The following JAKMIP2 variants were observed in gnomAD, a reference collection of about 807,000 sequenced individuals.
The protein encoded by JAKMIP2 is janus kinase and microtubule-interacting protein 2.
A neutral mutation model predicts 115.0 loss-of-function variants in JAKMIP2; 25 were observed. The ratio of observed to expected loss-of-function variants is 0.22; its 90% confidence interval spans 0.16 to 0.30. The LOEUF is 0.30. Ranked by LOEUF, JAKMIP2 falls within the 10% of genes least tolerant of loss-of-function variation. The pLI is 1.00. For missense variants in JAKMIP2, 642 were observed against 957.6 expected (o/e 0.67, Z 4.35); for synonymous variants, 334 against 343.6 (o/e 0.97, Z 0.31).
chr5:147,775,135 C>A (rs1755509122), intron 1 of JAKMIP2, among the ~76,000 whole-genome samples: 1 of 152,066 alleles, frequency 6.6e-6, no homozygotes, highest in African/African-American at 2.4e-5. Context: ...GGTTAGACAC[C>A]CGTAGAAATC....
At chr5:147,632,463 G>A (rs1757408870) in intron 13 of JAKMIP2, among the ~76,000 whole-genome samples, 2 of 152,138 alleles carry the variant, frequency 1.3e-5, no homozygotes, top group South Asian at 4.1e-4. Flanking sequence ...TAAGTAGACA[G>A]TTTTGAGTTG....
chr5:147,586,674 G>GA lies in JAKMIP2; in HGVS notation c.*5032dup, dbSNP rs1466721199. 2 of 151,768 alleles carry GA rather than the reference G, an allele frequency of 1.3e-5. No individual in the cohort carries two copies. The highest frequency in any genetic ancestry group is 4.8e-5 in the African/African-American group (2 of 41,324). 9.4% of individuals were successfully genotyped at this position (151,768 alleles called of 1,614,324 possible). A position where few individuals can be genotyped will look rare whatever the true frequency, so the allele number is the denominator to read the frequency against. On this transcript the variant is annotated 3_prime_UTR_variant, in exon 22 of 22. Transcript: ENST00000616793. ...CTCTGCCACATTAATTTGAATATAG[G>GA]AAATTATAATCCTATTTTTGCTACA...
chr5:147,707,778 A>G (rs1051583052), intron 1 of JAKMIP2, among the ~76,000 whole-genome samples: 2 of 152,172 alleles, frequency 1.3e-5, no homozygotes, highest in African/African-American at 2.4e-5. Context: ...CTGATATGCA[A>G]ATGAGATCAG....
chr5:147,730,327 A>G (rs1391910534), intron 1 of JAKMIP2, among the ~76,000 whole-genome samples: 1 of 152,222 alleles, frequency 6.6e-6, no homozygotes, highest in African/African-American at 2.4e-5. Flanking sequence ...CAGGTTTAGC[A>G]AAGAAGCTGC....
chr5:147,744,077 C>T (rs1414545565), intron 1 of JAKMIP2, among the ~76,000 whole-genome samples: 1 of 147,410 alleles, frequency 6.8e-6, no homozygotes, highest in African/African-American at 2.5e-5. Flanking sequence ...TTCTATTTTT[C>T]TCTCTCTCTC....
intron 20 of JAKMIP2, among the ~76,000 whole-genome samples, chr5:147,609,967 T>C (rs1317259108): frequency 1.3e-5 from 2 of 152,202 alleles, no homozygotes; most frequent in Non-Finnish European, 2.9e-5. Context: ...TTCCACTTGA[T>C]TGATCCAGCT....
chr5:147,710,837 C>T (rs968882639), intron 1 of JAKMIP2, among the ~76,000 whole-genome samples: 2 of 152,002 alleles, frequency 1.3e-5, no homozygotes, highest in African/African-American at 4.8e-5. Flanking sequence ...AAATGTGAGG[C>T]AATATTATTT....
intron 1 of JAKMIP2, among the ~76,000 whole-genome samples, chr5:147,731,761 A>T (rs1219434455): frequency 6.6e-6 from 1 of 152,180 alleles, no homozygotes; most frequent in Non-Finnish European, 1.5e-5. Context: ...CTGCAACAAA[A>T]GTTTTGAAAA....
chr5:147,657,490 T>A (rs1758737897), intron 3 of JAKMIP2, among the ~76,000 whole-genome samples: 1 of 152,164 alleles, frequency 6.6e-6, no homozygotes, highest in South Asian at 2.1e-4. Context: ...TTGGGGTTGA[T>A]CTTCTAATGG....
chr5:147,686,703 GT>G (rs1442376277), intron 1 of JAKMIP2, among the ~76,000 whole-genome samples: 1 of 152,168 alleles, frequency 6.6e-6, no homozygotes, highest in Non-Finnish European at 1.5e-5. Flanking sequence ...ACAGCATGAA[GT>G]GTCACTTACC....
chr5:147,605,395 G>A (rs1002713216), intron 20 of JAKMIP2, among the ~76,000 whole-genome samples: 1 of 151,872 alleles, frequency 6.6e-6, no homozygotes, highest in African/African-American at 2.4e-5. Flanking sequence ...ATTTTTAGTA[G>A]AGACAGGGTT....
chr5:147,633,390 G>A (rs1003007908), intron 12 of JAKMIP2, among the ~76,000 whole-genome samples: 1 of 152,094 alleles, frequency 6.6e-6, no homozygotes, highest in Non-Finnish European at 1.5e-5. Context: ...ACTACTCCAG[G>A]AACTCTGTAG....
At chr5:147,616,807 A>G (rs541813620) in intron 19 of JAKMIP2, among the ~76,000 whole-genome samples, 1 of 152,240 alleles carries the variant, frequency 6.6e-6, no homozygotes, top group Admixed American at 6.5e-5. Flanking sequence ...TTCTCCACCT[A>G]CTTGGGTAAT....
At chr5:147,742,155 A>ATATATATATATATATT in intron 1 of JAKMIP2, among the ~76,000 whole-genome samples, 2 of 108,884 alleles carry the variant, frequency 1.8e-5, no homozygotes, top group African/African-American at 3.8e-5. Flanking sequence ...ATATATATAT[A>ATATATATATATATATT]TTTTTTTTAC....
At chr5:147,710,968 ATT>A (rs1752755999) in intron 1 of JAKMIP2, among the ~76,000 whole-genome samples, 1 of 152,226 alleles carries the variant, frequency 6.6e-6, no homozygotes, top group East Asian at 1.9e-4. Context: ...ACTATTTCCT[ATT>A]TAAACCAAAA....
chr5:147,722,487 T>A (rs188908288), intron 1 of JAKMIP2, among the ~76,000 whole-genome samples: 136 of 152,268 alleles, frequency 8.9e-4, no homozygotes, highest in Admixed American at 1.2e-3. Flanking sequence ...CTCTAAATCT[T>A]GGAGGATTTG....
intron 12 of JAKMIP2, among the ~76,000 whole-genome samples, chr5:147,634,212 C>G (rs1230328553): frequency 1.3e-5 from 2 of 152,078 alleles, no homozygotes; most frequent in South Asian, 2.1e-4. Flanking sequence ...TTCTGCCATC[C>G]CTTTATTTTG....
At chr5:147,764,857 G>T (rs968007790) in intron 1 of JAKMIP2, among the ~76,000 whole-genome samples, 3 of 144,004 alleles carry the variant, frequency 2.1e-5, no homozygotes, top group Non-Finnish European at 4.5e-5. Context: ...CTGCACTCCA[G>T]GCTGGTGACA....
chr5:147,611,367 G>A (rs1435695022), intron 20 of JAKMIP2, among the ~76,000 whole-genome samples: 2 of 152,172 alleles, frequency 1.3e-5, no homozygotes, highest in African/African-American at 4.8e-5. Flanking sequence ...CATGAGAAAA[G>A]TGTAGTATCT....
Sources: gnomAD v4.1 joint callset for allele counts (sites outside exome capture counted in the v4.1 genomes callset) on GRCh38, gnomAD v4.1.1 for gene constraint, MANE v1.5 for transcripts, NCBI Gene and HGNC (gene_info 2026-07-23, HGNC 2026-07-21) for gene names.